Variants in RALGAPA1 observed in about 807,000 individuals in gnomAD.
The protein encoded by RALGAPA1 is Ral GTPase activating protein catalytic subunit alpha 1, also known as ral GTPase-activating protein subunit alpha-1.
A neutral mutation model predicts 269.6 loss-of-function variants in RALGAPA1; 52 were observed. The ratio of observed to expected loss-of-function variants is 0.19; its 90% confidence interval spans 0.15 to 0.24. RALGAPA1 has a LOEUF of 0.24. RALGAPA1 is among the 10% of genes least tolerant of loss of function. RALGAPA1 has a pLI of 1.00. For synonymous variants in RALGAPA1, 817 were observed against 1,008.3 expected, an observed-to-expected ratio of 0.81 and a Z score of 3.60; for missense variants, 1,917 against 3,013.9, an observed-to-expected ratio of 0.64 and a Z score of 8.52.
At chr14:35,578,446 A>C (rs1289536394) in intron 37 of RALGAPA1, among the ~76,000 whole-genome samples, 1 of 152,154 alleles carries the variant, frequency 6.6e-6, no homozygotes, top group African/African-American at 2.4e-5. Context: ...TTAGTAAAAA[A>C]CACTCTATGA....
At chr14:35,763,640 T>C (rs150019638) in intron 4 of RALGAPA1, among the ~76,000 whole-genome samples, 3 of 152,278 alleles carry the variant, frequency 2.0e-5, no homozygotes, top group African/African-American at 7.2e-5. Context: ...TTCCACCGTA[T>C]GAACATACCA....
intron 41 of RALGAPA1, chr14:35,542,098 T>C: frequency 1.2e-6 from 1 of 866,476 alleles, no homozygotes; most frequent in Non-Finnish European, 1.6e-6. Flanking sequence ...TCTGTAAATA[T>C]CTACCTTTTA....
chr14:35,789,221 G>C lies in RALGAPA1; in HGVS notation c.107-13476C>G, dbSNP rs908762622. Among the ~76,000 whole-genome samples, 11 of 151,878 alleles carry C rather than the reference G, an allele frequency of 7.2e-5. No homozygotes were observed. In the East Asian group the frequency reaches 2.1e-3, roughly 29 times the overall value. Reference sequence around the variant, plus strand: ...CAGATATAAGGGTGATGGGAAGGCAGTCTAGTATAAATATCATTAGCTACG... The same window carrying C: ...CAGATATAAGGGTGATGGGAAGGCACTCTAGTATAAATATCATTAGCTACG... On this transcript the variant is annotated intron_variant, in intron 1 of 41. Coordinates refer to ENST00000680220, the MANE Select transcript of RALGAPA1 (RefSeq NM_001346249.2).
chr14:35,741,958 G>A (rs2071591973), intron 11 of RALGAPA1, among the ~76,000 whole-genome samples: 1 of 152,184 alleles, frequency 6.6e-6, no homozygotes, highest in Non-Finnish European at 1.5e-5. Flanking sequence ...CACAAACACT[G>A]TAGCTTATGC....
chr14:35,792,791 AAAAGAAAGAAAGAG>A lies in RALGAPA1; in HGVS notation c.106+15925_106+15938del, dbSNP rs1421958870. ...AGACCCTGTCTCAAAAAAAAAAAAA[AAAAGAAAGAAAGAG>A]AAAGAAAGAAAGAGAAAGAAAGAAA... On this transcript the variant is annotated intron_variant, in intron 1 of 41. Transcript: ENST00000680220. 3.1e-3 allele frequency among the ~76,000 whole-genome samples: 452 copies of A among 146,850 alleles called. 1 individual carries two copies. The highest frequency in any genetic ancestry group is 5.4e-3 in the Non-Finnish European group (363 of 67,106).
intron 39 of RALGAPA1, among the ~76,000 whole-genome samples, chr14:35,553,750 C>A (rs1438846465): frequency 6.6e-6 from 1 of 152,042 alleles, no homozygotes; most frequent in Non-Finnish European, 1.5e-5. Context: ...AAGCAGATAT[C>A]AAAAATCTGT....
In RALGAPA1 at chr14:35,642,954, C is replaced by T. The variant is rs150988229; in HGVS notation, c.5677-7356G>A. On this transcript the variant is annotated intron_variant, in intron 31 of 41. Coordinates refer to ENST00000680220, the MANE Select transcript of RALGAPA1 (RefSeq NM_001346249.2). The stretch of plus-strand genomic sequence containing the variant: ...AACTCAAGTGTCCATCAATGATAGA[C>T]TAGATTAAGAAAATGTGGCAAATAT... 5.2e-3 allele frequency among the ~76,000 whole-genome samples: 792 copies of T among 152,182 alleles called. 10 individuals carry two copies. The highest frequency in any genetic ancestry group is 0.018 in the African/African-American group (739 of 41,500).
chr14:35,703,094 G>C (rs891581750), intron 16 of RALGAPA1, among the ~76,000 whole-genome samples: 2 of 152,142 alleles, frequency 1.3e-5, no homozygotes, highest in African/African-American at 4.8e-5. Flanking sequence ...AGACTTGAAG[G>C]AAGAGCTTGG....
Position 35,689,243 on chromosome 14 carries a change from A to T in RALGAPA1, c.3168T>A (p.Asp1056Glu). 1 of 1,232,208 alleles carries T rather than the reference A, an allele frequency of 8.1e-7. No individual in the cohort carries two copies. Among genetic ancestry groups the T allele is most frequent in the Middle Eastern group, 3.1e-4 (1 of 3,208 alleles). The allele number at this position is 1,232,208 out of a possible 1,614,324, so 76.3% of individuals were successfully genotyped here. ...PSEPSLDSPC[D>E]KEKRKHLYRQ... Reference sequence around the variant, plus strand: ...TGTACAGATGTTTCCTTTTTTCTTTATCACAAGGGCTATCTAAACTAGGCT... The same window carrying T: ...TGTACAGATGTTTCCTTTTTTCTTTTTCACAAGGGCTATCTAAACTAGGCT... Residue 1056 changes from aspartate to glutamate, a missense_variant, in exon 18 of 42, where the codon GAT (aspartate) becomes GAA (glutamate). Asp to Glu is a conservative substitution (Grantham distance 45). Transcript: ENST00000680220.
chr14:35,617,351 C>T (rs1035753649), intron 35 of RALGAPA1, among the ~76,000 whole-genome samples: 3 of 151,756 alleles, frequency 2.0e-5, no homozygotes, highest in Non-Finnish European at 2.9e-5. Context: ...GGCACAGTGG[C>T]GCATGCCTGT....
At chr14:35,712,031 G>A (rs1039892592) in intron 16 of RALGAPA1, among the ~76,000 whole-genome samples, 17 of 152,114 alleles carry the variant, frequency 1.1e-4, no homozygotes, top group African/African-American at 3.9e-4. Flanking sequence ...TGGATCACTT[G>A]AGGTCAGGAC....
At chr14:35,574,152 CT>C (rs1249327529) in intron 37 of RALGAPA1, among the ~76,000 whole-genome samples, 1 of 152,150 alleles carries the variant, frequency 6.6e-6, no homozygotes, top group Non-Finnish European at 1.5e-5. Context: ...TAGGTATTTA[CT>C]TTTTAAAATT....
chr14:35,803,532 GA>G (rs1439048954), intron 1 of RALGAPA1, among the ~76,000 whole-genome samples: 1 of 150,350 alleles, frequency 6.7e-6, no homozygotes, highest in Non-Finnish European at 1.5e-5. Flanking sequence ...CTTCTTCAAA[GA>G]AAACTTTAAG....
chr14:35,672,904 T>C lies in RALGAPA1; in HGVS notation c.5036A>G (p.Tyr1679Cys). ...AAGTAATCCACAATGCATTATATTG[T>C]AGAAATGTGTTAGAAAATCTCTATT... is the stretch of plus-strand genomic sequence containing the variant. ...SPNRDFLTHF[Y>C]NIMHCGLLHI... The change falls in exon 25 of 42, where the codon TAC becomes TGC. Residue 1679 changes from tyrosine to cysteine, a missense_variant. Tyr to Cys is a radical substitution (Grantham distance 194). Around this residue, in one of 11 missense-constraint regions of RALGAPA1, gnomAD observed 346 missense variants for 566.1 expected, o/e 0.61. Transcript: ENST00000680220. 3 of 1,570,484 alleles carry C rather than the reference T, an allele frequency of 1.9e-6. No individual in the cohort carries two copies. Among genetic ancestry groups the C allele is most frequent in the Non-Finnish European group, 2.6e-6 (3 of 1,158,068 alleles).
intron 41 of RALGAPA1, among the ~76,000 whole-genome samples, chr14:35,546,149 C>T (rs958734934): frequency 1.3e-5 from 2 of 152,084 alleles, no homozygotes; most frequent in African/African-American, 2.4e-5. Context: ...ACAGACAGTA[C>T]ATTTTGAGAA....
rs1244040587 is a variant in RALGAPA1, at chr14:35,642,475, C to G, written c.5677-6877G>C. Among the ~76,000 whole-genome samples, 3 of 151,938 alleles carry G rather than the reference C, an allele frequency of 2.0e-5. No homozygotes were observed. The East Asian group carries it at 5.8e-4, about 29-fold the overall frequency. On this transcript the variant is annotated intron_variant, in intron 31 of 41. Transcript: ENST00000680220. ...CAAAAGAAGACATAAAAAAGGAAAA[C>G]AAGTTAATATGTTCATATGACTATA...
intron 16 of RALGAPA1, among the ~76,000 whole-genome samples, chr14:35,718,829 T>TA (rs927515460): frequency 2.0e-5 from 3 of 147,376 alleles, no homozygotes; most frequent in Admixed American, 6.8e-5. Flanking sequence ...TAAATAACTA[T>TA]AAAAAAATGG....
chr14:35,605,031 C>T (rs1418134209), intron 36 of RALGAPA1, among the ~76,000 whole-genome samples: 1 of 152,082 alleles, frequency 6.6e-6, no homozygotes, highest in Non-Finnish European at 1.5e-5. Flanking sequence ...ATATTTCTTG[C>T]TTTGCTGACA....
chr14:35,582,414 A>T (rs1320428646), intron 37 of RALGAPA1, among the ~76,000 whole-genome samples: 1 of 152,238 alleles, frequency 6.6e-6, no homozygotes, highest in Non-Finnish European at 1.5e-5. Flanking sequence ...GAAAATCAAC[A>T]ATTCTTTTTA....
Sources: gnomAD v4.1 joint callset for allele counts (sites outside exome capture counted in the v4.1 genomes callset) on GRCh38, gnomAD v4.1.1 for gene constraint, gnomAD v4.1.1 regional missense constraint, MANE v1.5 for transcripts, NCBI Gene and HGNC (gene_info 2026-07-23, HGNC 2026-07-21) for gene names.